NOP58: variants seen among roughly 807,000 people sequenced by gnomAD.
NOP58 encodes the protein NOP58 ribonucleoprotein.
Under a neutral mutation model 71.2 loss-of-function variants are expected in NOP58, and 44 were observed. The ratio of observed to expected loss-of-function variants is 0.62; its 90% CI spans 0.49 to 0.79. The LOEUF (loss-of-function observed/expected upper bound fraction) is 0.79. Ranked by LOEUF, NOP58 falls within the 30% of genes least tolerant of loss-of-function variation. The pLI, the probability that NOP58 is intolerant of heterozygous loss-of-function variation, is 0.00. For missense variants in NOP58, 538 were observed against 620.2 expected (o/e 0.87, Z 1.41); for synonymous variants, 228 against 200.3 (o/e 1.14, Z -1.17).
intron 8 of NOP58, among the ~76,000 whole-genome samples, chr2:202,292,026 G>A (rs112373260): frequency 9.0e-6 from 1 of 111,494 alleles, no homozygotes; most frequent in Non-Finnish European, 1.7e-5. Context: ...TCACCCTGTA[G>A]CCCAGGCTGG....
chr2:202,283,631 G>A lies in NOP58; in HGVS notation c.298-714G>A, dbSNP rs576580469. On this transcript the variant is annotated intron_variant, in intron 4 of 14. Coordinates refer to ENST00000264279, the MANE Select transcript of NOP58 (RefSeq NM_015934.5). ...AATTTTTGTATTTTTAGTAGAGACG[G>A]GGTTTCATCATGTTGGCCAAGATGG... is the stretch of plus-strand genomic sequence containing the variant. Among the ~76,000 whole-genome samples, 143 of 151,672 alleles carry A rather than the reference G, an allele frequency of 9.4e-4. 1 individual carries two copies. Among genetic ancestry groups the A allele is most frequent in the African/African-American group, 3.3e-3 (138 of 41,378 alleles).
chr2:202,290,281 A>C, intron 6 of NOP58, 42 bp from the exon 7 acceptor site: 2 of 1,507,332 alleles, frequency 1.3e-6, no homozygotes, highest in Non-Finnish European at 8.9e-7. Context: ...TACCACAATA[A>C]ATCCCTTTAA....
chr2:202,274,753 C>A (rs1688563648), intron 1 of NOP58, among the ~76,000 whole-genome samples: 1 of 151,960 alleles, frequency 6.6e-6, no homozygotes, highest in South Asian at 2.1e-4. Context: ...CAGAGCGAGA[C>A]TCCATCTCAA....
chr2:202,277,870 A>C (rs1688631265), intron 2 of NOP58, 80 bp from the exon 3 acceptor site: 1 of 751,282 alleles, frequency 1.3e-6, no homozygotes, highest in Non-Finnish European at 2.3e-6. Flanking sequence ...ACAGTCAAGC[A>C]CTTCTTTCCA....
In NOP58 at chr2:202,297,655, C is replaced by T. The variant is rs77025332; in HGVS notation, c.1206+142C>T. On this transcript the variant is annotated intron_variant, in intron 11 of 14. Coordinates refer to ENST00000264279, the MANE Select transcript of NOP58 (RefSeq NM_015934.5). ...GTATTCTTTTTGTGCCTACTGTTAACAATTGCTATTATTTACCAAGAATTG... is the reference window on the plus strand; with the variant it reads ...GTATTCTTTTTGTGCCTACTGTTAATAATTGCTATTATTTACCAAGAATTG... 1.3e-4 allele frequency: 117 copies of T among 922,124 alleles called. No individual in the cohort carries two copies. The African/African-American group carries it at 1.7e-3, about 13-fold the overall frequency. The allele number at this position is 922,124 out of a possible 1,614,324, so 57.1% of individuals were successfully genotyped here.
chr2:202,289,382 T>G (rs1688848997), intron 6 of NOP58, among the ~76,000 whole-genome samples: 1 of 152,200 alleles, frequency 6.6e-6, no homozygotes, highest in Admixed American at 6.5e-5. Context: ...AATCCACAAG[T>G]GGAAAACTCC....
chr2:202,282,611 G>A, intron 4 of NOP58, 139 bp downstream of exon 4: 1 of 763,670 alleles, frequency 1.3e-6, no homozygotes, highest in Non-Finnish European at 2.0e-6. Context: ...CATGATAATG[G>A]ATTTCCCCTA....
intron 9 of NOP58, among the ~76,000 whole-genome samples, chr2:202,295,236 G>C (rs1688971351): frequency 6.6e-6 from 1 of 152,216 alleles, no homozygotes; most frequent in Non-Finnish European, 1.5e-5. Flanking sequence ...ACTATTAATA[G>C]ATACTTGTAG....
In NOP58 at chr2:202,275,190, G is replaced by T; in HGVS notation, c.122+1G>T. The stretch of plus-strand genomic sequence containing the variant: ...AAACTCCAGAGAAAGCAAACAAAAT[G>T]TAAGTACTCTTGAAATCAATAATTT... On this transcript the variant is annotated splice_donor_variant, in intron 2 of 14. Transcript: ENST00000264279. LOFTEE classifies it high-confidence loss of function. 1 of 1,491,870 alleles carries T rather than the reference G, an allele frequency of 6.7e-7. No individual in the cohort carries two copies. Among genetic ancestry groups the T allele is most frequent in the Non-Finnish European group, 9.2e-7 (1 of 1,081,950 alleles). The allele number at this position is 1,491,870 out of a possible 1,614,324, so 92.4% of individuals were successfully genotyped here.
chr2:202,287,779 A>G, intron 6 of NOP58, 55 bp downstream of exon 6: 1 of 1,248,170 alleles, frequency 8.0e-7, no homozygotes, highest in East Asian at 2.3e-5. Context: ...ATGCGTTTTC[A>G]TACTGTTGAA....
chr2:202,283,268 T>C (rs58670031), intron 4 of NOP58, among the ~76,000 whole-genome samples: 34,454 of 151,804 alleles, frequency 0.23, 5,902 homozygotes, highest in African/African-American at 0.48. Flanking sequence ...CTCACTCTGT[T>C]GCCCTGGCTA....
At chr2:202,302,541 A>G (rs575358411) in intron 13 of NOP58, among the ~76,000 whole-genome samples, 10 of 152,224 alleles carry the variant, frequency 6.6e-5, no homozygotes, top group Non-Finnish European at 1.5e-4. Context: ...AGGGAGCTTC[A>G]CCAAGGGTAA....
chr2:202,297,289 T>TA, intron 10 of NOP58, 90 bp from the exon 11 acceptor site: 1 of 1,195,124 alleles, frequency 8.4e-7, no homozygotes, highest in Non-Finnish European at 1.2e-6. Flanking sequence ...TGATTCATAA[T>TA]AGTTTTATAA....
chr2:202,288,408 C>A (rs1278678773), intron 6 of NOP58, among the ~76,000 whole-genome samples: 2 of 148,724 alleles, frequency 1.3e-5, no homozygotes, highest in Non-Finnish European at 3.0e-5. Context: ...CACTTGAACC[C>A]TGGAGGCAGA....
intron 4 of NOP58, among the ~76,000 whole-genome samples, chr2:202,284,099 T>C (rs1166227453): frequency 6.6e-6 from 1 of 151,792 alleles, no homozygotes; most frequent in Non-Finnish European, 1.5e-5. Context: ...CTGTACAACA[T>C]GGTGAAACCC....
chr2:202,297,693 G>T, intron 11 of NOP58, 152 bp from the exon 12 acceptor site: 1 of 798,670 alleles, frequency 1.3e-6, no homozygotes, highest in Non-Finnish European at 2.0e-6. Flanking sequence ...GTATCCAACT[G>T]CATTTGCCAT....
At chr2:202,297,248 G>C (rs575926535) in intron 10 of NOP58, 131 bp from the exon 11 acceptor site, 1 of 795,864 alleles carries the variant, frequency 1.3e-6, no homozygotes, top group South Asian at 2.4e-5. Context: ...TTGTGGCAAA[G>C]GTTGAAATAC....
At chr2:202,284,546 T>C in intron 5 of NOP58, 65 bp downstream of exon 5, 2 of 1,509,338 alleles carry the variant, frequency 1.3e-6, no homozygotes, top group South Asian at 2.4e-5. Context: ...ATAGATCTGT[T>C]CTAAGAATGT....
intron 5 of NOP58, 138 bp from the exon 6 acceptor site, chr2:202,287,519 TTTC>T (rs1205034296): frequency 1.7e-5 from 10 of 603,786 alleles, no homozygotes; most frequent in East Asian, 5.8e-5. Context: ...TTAGCTGATT[TTTC>T]TTCTTAGAAA....
Sources: allele counts gnomAD v4.1 joint callset (sites outside exome capture counted in the v4.1 genomes callset), GRCh38; gene constraint gnomAD v4.1.1; transcripts MANE v1.5; gene names NCBI Gene and HGNC (gene_info 2026-07-23, HGNC 2026-07-21).